NRP1: variants seen among roughly 807,000 people sequenced by gnomAD.
The protein encoded by NRP1 is neuropilin-1.
NRP1 carries 35 observed loss-of-function variants against 106.7 expected under a neutral mutation model. The observed-to-expected ratio is 0.33, with a 90% CI of 0.25 to 0.43. NRP1 has a LOEUF of 0.43. NRP1 is among the 20% of genes least tolerant of loss of function. The pLI, the probability that NRP1 is intolerant of heterozygous loss-of-function variation, is 1.00. For synonymous variants in NRP1, 437 were observed against 417.9 expected (o/e 1.05, Z -0.56); for missense variants, 1,024 against 1,170.4 (o/e 0.87, Z 1.83).
chr10:33,253,576 G>GA (rs1842006310), intron 6 of NRP1, among the ~76,000 whole-genome samples: 1 of 152,052 alleles, frequency 6.6e-6, no homozygotes, highest in Non-Finnish European at 1.5e-5. Context: ...TGAACAAACA[G>GA]AAACCTATTA....
intron 15 of NRP1, 113 bp from the exon 16 acceptor site, chr10:33,182,861 A>ACACACACACC: frequency 1.4e-6 from 1 of 719,788 alleles, no homozygotes. Flanking sequence ...ACACACACAC[A>ACACACACACC]CGTGTCTACT....
At chr10:33,221,965 G>A in intron 7 of NRP1, 102 bp from the exon 8 acceptor site, 9 of 1,315,030 alleles carry the variant, frequency 6.8e-6, no homozygotes, top group Non-Finnish European at 9.6e-6. Flanking sequence ...CAATTTCAGT[G>A]TTGTCGATCA....
At position 33,207,726 on chromosome 10, in the gene NRP1, A is replaced by G. The variant is rs770915107; in HGVS notation, c.1615-10T>C. 11 of 1,612,292 alleles carry G rather than the reference A, an allele frequency of 6.8e-6. No individual in the cohort carries two copies. The highest frequency in any genetic ancestry group is 9.3e-6 in the Non-Finnish European group (11 of 1,179,532). ...TGTTGCCCTCAAAAGACTGTGAAGC[A>G]TGGAAAACACAGGGCATTAAGGAAA... is the stretch of plus-strand genomic sequence containing the variant. On this transcript the variant is annotated splice_polypyrimidine_tract_variant and intron_variant, in intron 9 of 16. Coordinates refer to ENST00000374867, the MANE Select transcript of NRP1 (RefSeq NM_003873.7).
chr10:33,258,241 T>TAAAAAAG (rs1465167433), intron 4 of NRP1, among the ~76,000 whole-genome samples: 2 of 152,024 alleles, frequency 1.3e-5, no homozygotes, highest in Non-Finnish European at 2.9e-5. Flanking sequence ...CAATTCTCTT[T>TAAAAAAG]AAAAAAGAAA....
intron 2 of NRP1, among the ~76,000 whole-genome samples, chr10:33,286,564 TC>T (rs1336418354): frequency 6.6e-6 from 1 of 152,154 alleles, no homozygotes; most frequent in Non-Finnish European, 1.5e-5. Context: ...GATCCAGGTC[TC>T]CCATAGATGG....
chr10:33,278,734 T>G (rs563579500), intron 2 of NRP1, among the ~76,000 whole-genome samples: 313 of 152,286 alleles, frequency 2.1e-3, no homozygotes, highest in African/African-American at 7.0e-3. Flanking sequence ...TATATCATAC[T>G]GAGATGACCA....
chr10:33,222,904 G>T (rs770015674), intron 7 of NRP1, among the ~76,000 whole-genome samples: 1 of 152,240 alleles, frequency 6.6e-6, no homozygotes, highest in Non-Finnish European at 1.5e-5. Context: ...ACAAGGACTC[G>T]TGGGGGCCAC....
At chr10:33,251,778 TG>T (rs1841876337) in intron 6 of NRP1, among the ~76,000 whole-genome samples, 1 of 152,168 alleles carries the variant, frequency 6.6e-6, no homozygotes, top group Non-Finnish European at 1.5e-5. Flanking sequence ...TCAGAGCTCC[TG>T]GAAGACCACC....
At chr10:33,281,420 A>G (rs2133374475) in intron 2 of NRP1, among the ~76,000 whole-genome samples, 1 of 152,272 alleles carries the variant, frequency 6.6e-6, no homozygotes, top group Non-Finnish European at 1.5e-5. Flanking sequence ...GGTTGAGGCC[A>G]TAAGAAATGG....
At chr10:33,242,229 T>G (rs919020800) in intron 6 of NRP1, among the ~76,000 whole-genome samples, 1 of 152,194 alleles carries the variant, frequency 6.6e-6, no homozygotes, top group African/African-American at 2.4e-5. Context: ...GTGGTTGATT[T>G]TAGAGGAAAT....
intron 2 of NRP1, among the ~76,000 whole-genome samples, chr10:33,322,614 C>T (rs1347642541): frequency 6.6e-6 from 1 of 152,044 alleles, no homozygotes; most frequent in Non-Finnish European, 1.5e-5. Context: ...AACTCCTGGC[C>T]TCAAGCAATC....
intron 2 of NRP1, among the ~76,000 whole-genome samples, chr10:33,297,149 A>C (rs1373720932): frequency 1.3e-5 from 2 of 152,200 alleles, no homozygotes; most frequent in Non-Finnish European, 2.9e-5. Context: ...ATGCCACTTA[A>C]GTTATGGTAA....
rs1400158611 is a variant in NRP1, at chr10:33,314,082, C to CCT, written c.248+16624_248+16625dup. ...TTCCTCCCTCCCTCCCTCCCTCCCT[C>CCT]CTCTCTCTCTCTCTATTTTCAGAGG... is the stretch of plus-strand genomic sequence containing the variant. On this transcript the variant is annotated intron_variant, in intron 2 of 16. Coordinates refer to ENST00000374867, the MANE Select transcript of NRP1 (RefSeq NM_003873.7). 6.9e-5 allele frequency among the ~76,000 whole-genome samples: 9 copies of CCT among 131,098 alleles called. No homozygotes were observed. In the East Asian group the frequency reaches 7.7e-4, roughly 11 times the overall value. The allele number at this position is 131,098 out of a possible 152,430, so 86.0% of individuals were successfully genotyped here.
chr10:33,253,998 C>T (rs765210512), intron 6 of NRP1, 30 bp downstream of exon 6: 5 of 1,573,904 alleles, frequency 3.2e-6, no homozygotes, highest in Non-Finnish European at 4.3e-6. Context: ...CTTATTCAAT[C>T]CTAGATAGGC....
chr10:33,192,183 G>C (rs60607944), intron 13 of NRP1, 98 bp downstream of exon 13: 51,449 of 1,307,622 alleles, frequency 0.039, 5,126 homozygotes, highest in African/African-American at 0.37. Context: ...ATTCCTACCC[G>C]CCCTAAATTC....
intron 6 of NRP1, among the ~76,000 whole-genome samples, chr10:33,239,791 C>G (rs558548842): frequency 2.0e-5 from 3 of 152,154 alleles, no homozygotes; most frequent in Non-Finnish European, 2.9e-5. Flanking sequence ...ACTCAAACCT[C>G]GTCTCAACCT....
intron 2 of NRP1, among the ~76,000 whole-genome samples, chr10:33,288,047 A>G (rs751178847): frequency 3.3e-5 from 5 of 152,142 alleles, no homozygotes; most frequent in Non-Finnish European, 7.4e-5. Context: ...ATGGTATCTA[A>G]ATTTGGTTAA....
chr10:33,300,029 C>T (rs115116699), intron 2 of NRP1, among the ~76,000 whole-genome samples: 1,578 of 152,278 alleles, frequency 0.01, 43 homozygotes, highest in African/African-American at 0.036. Flanking sequence ...CATTTCCTAC[C>T]AAATCAAGAT....
At chr10:33,332,185 G>A (rs762024094) in intron 1 of NRP1, among the ~76,000 whole-genome samples, 2 of 152,100 alleles carry the variant, frequency 1.3e-5, no homozygotes, top group African/African-American at 4.8e-5. Flanking sequence ...TTTCTCAATC[G>A]CTAGGTGCTT....
Sources: gnomAD v4.1 joint callset for allele counts (sites outside exome capture counted in the v4.1 genomes callset) on GRCh38, gnomAD v4.1.1 for gene constraint, MANE v1.5 for transcripts, NCBI Gene and HGNC (gene_info 2026-07-23, HGNC 2026-07-21) for gene names.